The following EPG5 variants were observed in gnomAD, a reference collection of about 807,000 sequenced individuals.
EPG5 encodes ectopic P granules protein 5 homolog.
A neutral mutation model predicts 302.7 loss-of-function variants in EPG5; 159 were observed. The ratio of observed to expected loss-of-function variants is 0.53; its 90% CI spans 0.46 to 0.60. The LOEUF (loss-of-function observed/expected upper bound fraction) is 0.60. EPG5 is among the 20% of genes least tolerant of loss of function. The pLI is 0.00. For missense variants in EPG5, 2,896 were observed against 3,092.4 expected, an observed-to-expected ratio of 0.94 and a Z score of 1.51; for synonymous variants, 1,158 against 1,136.8, an observed-to-expected ratio of 1.02 and a Z score of -0.37.
At chr18:45,835,977 C>T in the EPG5 span, among the ~76,000 whole-genome samples, 3 of 152,196 alleles carry the variant, frequency 2.0e-5, no homozygotes, top group South Asian at 2.1e-4. Context: ...CATGAGAAAG[C>T]GATGTGCACA....
chr18:45,806,977 T>C, the EPG5 span, among the ~76,000 whole-genome samples: 1 of 152,156 alleles, frequency 6.6e-6, no homozygotes, highest in South Asian at 2.1e-4. Flanking sequence ...CGGCAAGTTC[T>C]CAGCCCTGCT....
At chr18:45,912,245 AGGCAGAAAT>A in intron 22 of EPG5, 36 bp downstream of exon 22, 1 of 1,497,346 alleles carries the variant, frequency 6.7e-7, no homozygotes, top group Non-Finnish European at 8.9e-7. Flanking sequence ...AGCAGTGCAA[AGGCAGAAAT>A]GGACTCACAG....
At chr18:45,810,154 G>C in the EPG5 span, among the ~76,000 whole-genome samples, 14 of 152,236 alleles carry the variant, frequency 9.2e-5, no homozygotes, top group African/African-American at 2.9e-4. Context: ...AACTCTCCTA[G>C]CTTAAATCAG....
chr18:45,920,700 G>A (rs1297608305), intron 16 of EPG5, among the ~76,000 whole-genome samples: 4 of 152,122 alleles, frequency 2.6e-5, no homozygotes, highest in Non-Finnish European at 5.9e-5. Context: ...TTACTGAGAG[G>A]ATGGCACTAA....
At chr18:45,920,300 G>A (rs907399385) in intron 16 of EPG5, among the ~76,000 whole-genome samples, 3 of 152,204 alleles carry the variant, frequency 2.0e-5, no homozygotes, top group Admixed American at 6.5e-5. Context: ...AAAACACAGT[G>A]AGTGTGCTGT....
At chr18:45,858,373 T>C (rs2048561607) in intron 41 of EPG5, among the ~76,000 whole-genome samples, 193 bp downstream of exon 41, 3 of 152,168 alleles carry the variant, frequency 2.0e-5, no homozygotes, top group African/African-American at 7.2e-5. Flanking sequence ...AGTGCCAGTT[T>C]TAGGAAACAA....
chr18:45,880,072 C>G lies in EPG5; in HGVS notation c.5667+3G>C, dbSNP rs764564797. 2 of 1,572,740 alleles carry G rather than the reference C, an allele frequency of 1.3e-6. No homozygotes were observed. Among genetic ancestry groups the G allele is most frequent in the South Asian group, 2.3e-5 (2 of 88,128 alleles). On this transcript the variant is annotated splice_donor_region_variant and intron_variant, in intron 32 of 43. Transcript: ENST00000282041. ...AACACGTCAGAGACCAAAGGCTACA[C>G]ACCTGCTTGTCTGACAAGAGAGCAT...
the EPG5 span, chr18:45,842,186 G>A: frequency 2.5e-6 from 4 of 1,614,024 alleles, no homozygotes; most frequent in East Asian, 4.5e-5. Flanking sequence ...TGCTCACCGT[G>A]AGGAGTCCCT....
At chr18:45,946,841 C>T (rs2145929483) in intron 6 of EPG5, 73 bp from the exon 7 acceptor site, 3 of 1,189,462 alleles carry the variant, frequency 2.5e-6, no homozygotes, top group South Asian at 1.3e-5. Flanking sequence ...TCTCTACTCA[C>T]CCTGAAGAAG....
chr18:45,916,450 G>C lies in EPG5; in HGVS notation c.3372C>G (p.Asn1124Lys), dbSNP rs753035594. The C allele has an allele frequency of 1.1e-5, 17 of 1,612,798 alleles. No individual in the cohort carries two copies. The South Asian group carries it at 1.9e-4, about 18-fold the overall frequency. The change falls in exon 18 of 44, where the codon AAC (asparagine) becomes AAG (lysine). Residue 1124 changes from asparagine (N) to lysine (K), a missense_variant. Physicochemically the swap from Asn to Lys is moderately conservative, Grantham distance 94. Around this residue, in one of 5 missense-constraint regions of EPG5, gnomAD observed 1,390 missense variants for 1,430.0 expected, o/e 0.97. Coordinates refer to ENST00000282041, the MANE Select transcript of EPG5 (RefSeq NM_020964.3). Reference sequence around the variant, plus strand: ...GCAAGGCCCTCACCTGGATCATGCTGTTGAGAAGCTTCACGTTGTCCCCAT... The same window carrying C: ...GCAAGGCCCTCACCTGGATCATGCTCTTGAGAAGCTTCACGTTGTCCCCAT... The part of the protein sequence containing the change: ...ASHGDNVKLL[N>K]SMIQAHISVS...
chr18:45,954,504 A>C lies in EPG5; in HGVS notation c.898T>G (p.Cys300Gly). Residue 300 changes from cysteine to glycine, a missense_variant, in exon 2 of 44, where the codon TGT (cysteine) becomes GGT (glycine). Physicochemically the swap from Cys to Gly is radical, Grantham distance 159. This residue lies in a region of EPG5 where 1,390 missense variants were observed against 1,430.0 expected (regional missense o/e 0.97). Coordinates refer to ENST00000282041, the MANE Select transcript of EPG5 (RefSeq NM_020964.3). ...FYELLLNYSR[C>G]RKQLLLAEAE... The stretch of plus-strand genomic sequence containing the variant: ...TCAGCCAGCAGCAGTTGCTTCCTAC[A>C]TCGTGAGTAGTTCAAAAGCAACTCA... 6.2e-7 allele frequency: 1 copy of C among 1,614,266 alleles called. No homozygotes were observed.
chr18:45,823,941 C>T, the EPG5 span, among the ~76,000 whole-genome samples: 4 of 152,210 alleles, frequency 2.6e-5, no homozygotes, highest in African/African-American at 9.7e-5. Context: ...GCACCTGAAC[C>T]TTATATCTGG....
At chr18:45,890,737 T>C (rs1268222799) in intron 27 of EPG5, among the ~76,000 whole-genome samples, 2 of 152,140 alleles carry the variant, frequency 1.3e-5, no homozygotes, top group African/African-American at 4.8e-5. Flanking sequence ...TGGATGTGGA[T>C]AGAGGCAGAA....
intron 35 of EPG5, among the ~76,000 whole-genome samples, chr18:45,871,673 G>A (rs564772780): frequency 2.8e-4 from 43 of 152,296 alleles, no homozygotes; most frequent in African/African-American, 7.7e-4. Flanking sequence ...TGAAGAAAAC[G>A]AGGCACAGAA....
In EPG5 at chr18:45,922,370, T is replaced by A; in HGVS notation, c.3069A>T (p.Leu1023=). 6.2e-7 allele frequency: 1 copy of A among 1,614,210 alleles called. No individual in the cohort carries two copies. The change falls in exon 16 of 44, where the codon CTA becomes CTT. Residue 1023 remains leucine (L), a synonymous_variant. Transcript: ENST00000282041. ...GGCCCACAGCTGTCATAGATAAGGCTAGATAACAGCCAATGGGCATGCCCG... is the reference window on the plus strand; with the variant it reads ...GGCCCACAGCTGTCATAGATAAGGCAAGATAACAGCCAATGGGCATGCCCG... ...VKAGMPIGCY[L]ALSMTAVGHS...
intron 35 of EPG5, among the ~76,000 whole-genome samples, chr18:45,875,310 A>C (rs2048946002): frequency 6.6e-6 from 1 of 152,228 alleles, no homozygotes; most frequent in African/African-American, 2.4e-5. Context: ...AAAATTAAAC[A>C]GCAGCATAAG....
At chr18:45,853,958 G>A (rs554401132) in intron 43 of EPG5, among the ~76,000 whole-genome samples, 2 of 152,250 alleles carry the variant, frequency 1.3e-5, no homozygotes, top group African/African-American at 4.8e-5. Context: ...CTTCAAATCT[G>A]AAAATCCTGA....
At chr18:45,828,683 C>A in the EPG5 span, among the ~76,000 whole-genome samples, 1 of 152,226 alleles carries the variant, frequency 6.6e-6, no homozygotes, top group African/African-American at 2.4e-5. Context: ...GGGCATCCAG[C>A]CTAAATGGGA....
intron 13 of EPG5, among the ~76,000 whole-genome samples, chr18:45,928,118 C>T (rs929026426): frequency 6.6e-6 from 1 of 151,940 alleles, no homozygotes; most frequent in South Asian, 2.1e-4. Flanking sequence ...ATCACTTGAA[C>T]CTGGGAGGCA....
Sources: allele counts gnomAD v4.1 joint callset (sites outside exome capture counted in the v4.1 genomes callset), GRCh38; gene constraint gnomAD v4.1.1; regional missense constraint gnomAD v4.1.1; transcripts MANE v1.5; gene names NCBI Gene and HGNC (gene_info 2026-07-23, HGNC 2026-07-21).